Variants in TRIO observed in about 807,000 individuals in gnomAD.
The protein encoded by TRIO is triple functional domain protein.
TRIO carries 58 observed loss-of-function variants against 351.9 expected under a neutral mutation model. The observed-to-expected ratio is 0.16, with a 90% CI of 0.13 to 0.21. The LOEUF (loss-of-function observed/expected upper bound fraction) is 0.21. Among genes scored for constraint, TRIO ranks in the 10% least tolerant of loss-of-function variants. TRIO has a pLI of 1.00. For synonymous variants in TRIO, 1,758 were observed against 1,595.7 expected, an observed-to-expected ratio of 1.10 and a Z score of -2.42; for missense variants, 3,201 against 4,027.8, an observed-to-expected ratio of 0.79 and a Z score of 5.56.
intron 1 of TRIO, among the ~76,000 whole-genome samples, chr5:14,174,390 T>C (rs1789283827): frequency 6.6e-6 from 1 of 152,230 alleles, no homozygotes; most frequent in African/African-American, 2.4e-5. Context: ...CCAGCAAAGC[T>C]GCTCCAAGTT....
intron 9 of TRIO, among the ~76,000 whole-genome samples, chr5:14,329,105 A>G (rs1004162959): frequency 2.6e-5 from 4 of 152,144 alleles, no homozygotes; most frequent in Non-Finnish European, 5.9e-5. Context: ...CCCTATATCT[A>G]TGAACATGGC....
At chr5:14,183,602 A>G (rs1461231477) in intron 1 of TRIO, among the ~76,000 whole-genome samples, 3 of 152,226 alleles carry the variant, frequency 2.0e-5, no homozygotes, top group Non-Finnish European at 4.4e-5. Flanking sequence ...TTAAAAAGAG[A>G]AAAAAACAGA....
At chr5:14,222,748 A>T (rs1392519354) in intron 1 of TRIO, among the ~76,000 whole-genome samples, 1 of 152,068 alleles carries the variant, frequency 6.6e-6, no homozygotes, top group Non-Finnish European at 1.5e-5. Flanking sequence ...TCTGAGGGGC[A>T]CCTCCTCTCC....
At chr5:14,319,599 G>C (rs1022108138) in intron 9 of TRIO, among the ~76,000 whole-genome samples, 1 of 152,174 alleles carries the variant, frequency 6.6e-6, no homozygotes. Context: ...TTAGAGACAC[G>C]ACAGTGGTTT....
At chr5:14,157,927 T>C (rs1419384657) in intron 1 of TRIO, among the ~76,000 whole-genome samples, 2 of 152,142 alleles carry the variant, frequency 1.3e-5, no homozygotes, top group Non-Finnish European at 1.5e-5. Context: ...ACACGGATAT[T>C]ACGTCGCTGA....
intron 1 of TRIO, among the ~76,000 whole-genome samples, chr5:14,170,141 C>T (rs1281376878): frequency 2.0e-5 from 3 of 152,174 alleles, no homozygotes; most frequent in Admixed American, 2.0e-4. Flanking sequence ...TCCAAACCAG[C>T]GATTTTTGTT....
At chr5:14,482,834 C>G in intron 46 of TRIO, 61 bp downstream of exon 46, 1 of 1,369,958 alleles carries the variant, frequency 7.3e-7, no homozygotes, top group Non-Finnish European at 9.7e-7. Flanking sequence ...CACCGATACA[C>G]TGTTTCCTTT....
At chr5:14,285,074 C>G (rs1184423197) in intron 3 of TRIO, among the ~76,000 whole-genome samples, 1 of 152,090 alleles carries the variant, frequency 6.6e-6, no homozygotes, top group Non-Finnish European at 1.5e-5. Context: ...TCTGGGAGTC[C>G]CATTTGCCTC....
intron 1 of TRIO, among the ~76,000 whole-genome samples, chr5:14,187,948 G>A (rs1354481852): frequency 2.6e-5 from 4 of 152,110 alleles, no homozygotes; most frequent in South Asian, 2.1e-4. Context: ...TCTTTATTGC[G>A]TGAGAAGCAG....
At chr5:14,170,720 G>A (rs1191724644) in intron 1 of TRIO, among the ~76,000 whole-genome samples, 1 of 151,998 alleles carries the variant, frequency 6.6e-6, no homozygotes. Context: ...TGGCCAGCGT[G>A]GTCTGGAACT....
intron 34 of TRIO, among the ~76,000 whole-genome samples, chr5:14,438,832 G>A (rs1417227076): frequency 6.6e-6 from 1 of 152,198 alleles, no homozygotes; most frequent in Non-Finnish European, 1.5e-5. Flanking sequence ...GCCCTTCAGG[G>A]CATGCCTTTA....
At chr5:14,248,108 T>C (rs996108647) in intron 1 of TRIO, among the ~76,000 whole-genome samples, 3 of 151,968 alleles carry the variant, frequency 2.0e-5, no homozygotes, top group African/African-American at 7.2e-5. Flanking sequence ...GCCCCTTCTT[T>C]GCAGCTGGGG....
At chr5:14,360,699 C>T (rs11133786) in intron 13 of TRIO, among the ~76,000 whole-genome samples, 6,352 of 152,286 alleles carry the variant, frequency 0.042, 218 homozygotes, top group East Asian at 0.12. Context: ...TATAGGCCTG[C>T]CCTGGGGAGT....
intron 9 of TRIO, among the ~76,000 whole-genome samples, chr5:14,327,164 T>TTTG (rs760157947): frequency 2.6e-5 from 4 of 152,020 alleles, no homozygotes; most frequent in African/African-American, 4.8e-5. Context: ...TTATTTTTAT[T>TTTG]TTGTTGTTGT....
chr5:14,249,395 G>A (rs77168331), intron 1 of TRIO, among the ~76,000 whole-genome samples: 5 of 152,178 alleles, frequency 3.3e-5, no homozygotes, highest in African/African-American at 1.2e-4. Context: ...TGAGTGGAGT[G>A]GGGGAGGGAG....
intron 15 of TRIO, among the ~76,000 whole-genome samples, chr5:14,365,704 T>C (rs980712569): frequency 6.6e-6 from 1 of 152,234 alleles, no homozygotes; most frequent in African/African-American, 2.4e-5. Context: ...TAAAAAATAG[T>C]GGCTTTGAAA....
At chr5:14,179,989 C>T (rs530617955) in intron 1 of TRIO, among the ~76,000 whole-genome samples, 23 of 149,850 alleles carry the variant, frequency 1.5e-4, no homozygotes, top group African/African-American at 5.7e-4. Flanking sequence ...TAATCCCAGC[C>T]ACTCGGGAGG....
chr5:14,290,994 G>C lies in TRIO; in HGVS notation c.819G>C (p.Glu273Asp), dbSNP rs780045433. ...LKKKVIKAPI[E>D]DLDLEGQKLL... is the part of the protein sequence containing the mutation. ...AGAAGGTGATTAAGGCCCCCATCGA[G>C]GACCTGGATTTGGAGGGACAGAAGC... Residue 273 changes from glutamate (E) to aspartate (D), a missense_variant, in exon 5 of 57, where the codon GAG becomes GAC. Transcript: ENST00000344204. 6.2e-7 allele frequency: 1 copy of C among 1,614,196 alleles called. No individual in the cohort carries two copies. Among genetic ancestry groups the C allele is most frequent in the Admixed American group, 1.7e-5 (1 of 60,024 alleles).
At position 14,300,634 on chromosome 5, in the gene TRIO, C is replaced by T. The variant is rs555803671; in HGVS notation, c.1368+3371C>T. ...GTATAGTTCTTTAATATTTAGAGAA[C>T]CCTTTAACATGAAATCTCATTTCAT... On this transcript the variant is annotated intron_variant, in intron 7 of 56. Transcript: ENST00000344204. Among the ~76,000 whole-genome samples, 10 of 152,226 alleles carry T rather than the reference C, an allele frequency of 6.6e-5. No individual in the cohort carries two copies. In the South Asian group the frequency reaches 2.1e-3, roughly 32 times the overall value.
Sources: gnomAD v4.1 joint callset for allele counts (sites outside exome capture counted in the v4.1 genomes callset) on GRCh38, gnomAD v4.1.1 for gene constraint, MANE v1.5 for transcripts, NCBI Gene and HGNC (gene_info 2026-07-23, HGNC 2026-07-21) for gene names.